KIAA1549L: variants seen among roughly 807,000 people sequenced by gnomAD.
The protein encoded by KIAA1549L is UPF0606 protein KIAA1549L.
In KIAA1549L, 88 loss-of-function variants were observed where a neutral mutation model predicts 160.7. The observed-to-expected ratio is 0.55, with a 90% CI of 0.46 to 0.65. The LOEUF (loss-of-function observed/expected upper bound fraction) is 0.65. Among genes scored for constraint, KIAA1549L ranks in the 30% least tolerant of loss-of-function variants. The pLI is 0.00. For missense variants in KIAA1549L, 2,258 were observed against 2,437.5 expected (o/e 0.93, Z 1.55); for synonymous variants, 950 against 976.7 (o/e 0.97, Z 0.51).
intron 1 of KIAA1549L, among the ~76,000 whole-genome samples, chr11:33,388,330 CAGA>C (rs1340045597): frequency 6.6e-6 from 1 of 152,052 alleles, no homozygotes; most frequent in Non-Finnish European, 1.5e-5. Flanking sequence ...AACTCACTAT[CAGA>C]AGAATAGCGT....
chr11:33,486,924 C>T (rs1852540872), intron 1 of KIAA1549L, among the ~76,000 whole-genome samples: 1 of 152,194 alleles, frequency 6.6e-6, no homozygotes, highest in Non-Finnish European at 1.5e-5. Context: ...TTTATGGAAA[C>T]CACTACATTG....
intron 16 of KIAA1549L, 41 bp downstream of exon 16, chr11:33,618,703 C>A: frequency 6.7e-7 from 1 of 1,500,886 alleles, no homozygotes; most frequent in Middle Eastern, 1.9e-4. Context: ...GCTTTCCTTT[C>A]CCCTGAAGGC....
At chr11:33,576,799 C>G (rs971249965) in intron 10 of KIAA1549L, among the ~76,000 whole-genome samples, 1 of 152,048 alleles carries the variant, frequency 6.6e-6, no homozygotes, top group Non-Finnish European at 1.5e-5. Flanking sequence ...GCAGAAGGTG[C>G]AGGTCAAAGA....
intron 1 of KIAA1549L, among the ~76,000 whole-genome samples, chr11:33,519,416 G>A (rs1853428617): frequency 6.6e-6 from 1 of 152,154 alleles, no homozygotes; most frequent in Non-Finnish European, 1.5e-5. Flanking sequence ...CTTAACCAAT[G>A]TGCTACAAGA....
intron 16 of KIAA1549L, among the ~76,000 whole-genome samples, chr11:33,644,999 C>T (rs543943913): frequency 6.6e-6 from 1 of 152,304 alleles, no homozygotes; most frequent in East Asian, 1.9e-4. Context: ...CAGCTGTCTG[C>T]CCACCCTGGT....
rs892514109 is a variant in KIAA1549L, at chr11:33,644,857, C to T, written c.5410-829C>T. 1.4e-4 allele frequency among the ~76,000 whole-genome samples: 21 copies of T among 152,334 alleles called. 1 individual carries two copies. Among genetic ancestry groups the T allele is most frequent in the Admixed American group, 5.2e-4 (8 of 15,300 alleles). ...CACGTCCAGACTGGTGGAATAAACT[C>T]CTACAGGCATCCCCACCTAATGATG... On this transcript the variant is annotated intron_variant, in intron 16 of 20. Coordinates refer to ENST00000658780, the MANE Select transcript of KIAA1549L (RefSeq NM_012194.3).
intron 1 of KIAA1549L, among the ~76,000 whole-genome samples, chr11:33,488,260 A>G (rs1419088144): frequency 1.3e-5 from 2 of 152,212 alleles, no homozygotes; most frequent in Non-Finnish European, 2.9e-5. Context: ...TTATATCTCC[A>G]TGGCTTAGTC....
intron 1 of KIAA1549L, among the ~76,000 whole-genome samples, chr11:33,466,597 A>G (rs1447777358): frequency 6.6e-6 from 1 of 152,184 alleles, no homozygotes; most frequent in African/African-American, 2.4e-5. Context: ...ATACCATTTG[A>G]CCCAGCAATC....
At chr11:33,429,628 C>T (rs1442528918) in intron 1 of KIAA1549L, among the ~76,000 whole-genome samples, 1 of 152,210 alleles carries the variant, frequency 6.6e-6, no homozygotes, top group Non-Finnish European at 1.5e-5. Flanking sequence ...GTGGATCCCT[C>T]TTCATCTTCA....
At chr11:33,479,025 A>G (rs898041831) in intron 1 of KIAA1549L, among the ~76,000 whole-genome samples, 6 of 152,282 alleles carry the variant, frequency 3.9e-5, no homozygotes, top group Admixed American at 6.5e-5. Flanking sequence ...TGGTAGAGCC[A>G]GAATTTGAAT....
rs76052673 is a variant in KIAA1549L, at chr11:33,578,622, A to G, written c.4402+3749A>G. Among the ~76,000 whole-genome samples the G allele has an allele frequency of 1.1e-4, 16 of 152,346 alleles. No individual in the cohort carries two copies. The East Asian group carries it at 2.9e-3, about 28-fold the overall frequency. On this transcript the variant is annotated intron_variant, in intron 10 of 20. Coordinates refer to ENST00000658780, the MANE Select transcript of KIAA1549L (RefSeq NM_012194.3). Reference sequence around the variant, plus strand: ...TCCCATCATTCACAGAATAAAATCCAAACTCCTGTCTTCACAGCAGGTGCA... The same window carrying G: ...TCCCATCATTCACAGAATAAAATCCGAACTCCTGTCTTCACAGCAGGTGCA...
intron 1 of KIAA1549L, among the ~76,000 whole-genome samples, chr11:33,435,788 A>AG (rs1851348112): frequency 3.8e-5 from 1 of 26,512 alleles, no homozygotes; most frequent in Non-Finnish European, 7.1e-5. Context: ...ATATATATAT[A>AG]TATATATATA....
chr11:33,536,822 C>T (rs1020356443), intron 1 of KIAA1549L, among the ~76,000 whole-genome samples: 14 of 152,344 alleles, frequency 9.2e-5, no homozygotes, highest in Middle Eastern at 3.4e-3. Context: ...TTACAACATT[C>T]CCGTCGTCTT....
intron 14 of KIAA1549L, among the ~76,000 whole-genome samples, chr11:33,609,201 T>G (rs902678354): frequency 2.0e-5 from 3 of 152,224 alleles, no homozygotes; most frequent in African/African-American, 7.2e-5. Flanking sequence ...AGGCATGGAT[T>G]TACAAAAACA....
chr11:33,627,586 G>A (rs951159191), intron 16 of KIAA1549L, among the ~76,000 whole-genome samples: 5 of 152,098 alleles, frequency 3.3e-5, no homozygotes, highest in Non-Finnish European at 7.4e-5. Context: ...TTGTATTTCT[G>A]TGGGATCGGT....
At chr11:33,499,967 C>T (rs1279681375) in intron 1 of KIAA1549L, among the ~76,000 whole-genome samples, 1 of 152,206 alleles carries the variant, frequency 6.6e-6, no homozygotes, top group Non-Finnish European at 1.5e-5. Flanking sequence ...TCCTCATCCA[C>T]ATATCCAACT....
intron 1 of KIAA1549L, among the ~76,000 whole-genome samples, chr11:33,469,674 T>G (rs1238339609): frequency 1.3e-5 from 2 of 152,258 alleles, no homozygotes; most frequent in African/African-American, 4.8e-5. Flanking sequence ...CACATCCTTG[T>G]CAACACTTGT....
At position 33,656,082 on chromosome 11, in the gene KIAA1549L, G is replaced by C; in HGVS notation, c.5831G>C (p.Gly1944Ala). 6.2e-7 allele frequency: 1 copy of C among 1,613,800 alleles called. No individual in the cohort carries two copies. The highest frequency in any genetic ancestry group is 8.5e-7 in the Non-Finnish European group (1 of 1,179,784). Residue 1944 changes from glycine to alanine, a missense_variant, in exon 18 of 21, where the codon GGT becomes GCT. Transcript: ENST00000658780. Reference protein sequence around the residue: ...SPPPPVPPRTGPVAVASLRRS... With the variant: ...SPPPPVPPRTAPVAVASLRRS... ...CCTCCACCCGTACCTCCCCGGACTGGTCCTGTGGCTGTCGCTTCTCTCAGG... is the reference window on the plus strand; with the variant it reads ...CCTCCACCCGTACCTCCCCGGACTGCTCCTGTGGCTGTCGCTTCTCTCAGG...
intron 1 of KIAA1549L, among the ~76,000 whole-genome samples, chr11:33,500,176 G>T (rs971198653): frequency 3.9e-5 from 6 of 152,102 alleles, no homozygotes; most frequent in African/African-American, 1.2e-4. Flanking sequence ...GCTTTTTCAG[G>T]GTGTTAGGAA....
Sources: allele counts gnomAD v4.1 joint callset (sites outside exome capture counted in the v4.1 genomes callset), GRCh38; gene constraint gnomAD v4.1.1; transcripts MANE v1.5; gene names NCBI Gene and HGNC (gene_info 2026-07-23, HGNC 2026-07-21).